CCL14: variants seen among roughly 807,000 people sequenced by gnomAD.
CCL14 encodes the protein C-C motif chemokine 14.
A neutral mutation model predicts 8.2 loss-of-function variants in CCL14; 8 were observed. The observed-to-expected ratio is 0.98, with a 90% CI of 0.57 to 1.76. CCL14 has a LOEUF of 1.76. Among genes scored for constraint, CCL14 ranks in the 40% most tolerant of loss-of-function variants. The probability of loss-of-function intolerance (pLI) is 0.00; values close to 1 mark genes in which losing one functional copy is unlikely to be tolerated. For missense variants in CCL14, 127 were observed against 118.3 expected, an observed-to-expected ratio of 1.07 and a Z score of -0.34; for synonymous variants, 50 against 43.2, an observed-to-expected ratio of 1.16 and a Z score of -0.62.
intron 1 of CCL14, chr17:35,985,355 T>C (rs2089747891): frequency 4.6e-6 from 1 of 215,332 alleles, no homozygotes; most frequent in Non-Finnish European, 9.1e-6. Context: ...TTTCATGGCT[T>C]TTATAGGAGA....
chr17:35,985,928 C>A, intron 1 of CCL14: 2 of 731,798 alleles, frequency 2.7e-6, no homozygotes, highest in South Asian at 1.8e-5. Context: ...TCCCCCCAGC[C>A]CATACCCAAG....
Position 35,983,775 on chromosome 17 carries a change from T to C in CCL14, c.*26A>G. 1 of 1,528,906 alleles carries C rather than the reference T, an allele frequency of 6.5e-7. No homozygotes were observed. Among genetic ancestry groups the C allele is most frequent in the South Asian group, 1.1e-5 (1 of 89,388 alleles). The allele number at this position is 1,528,906 out of a possible 1,614,324, so 94.7% of individuals were successfully genotyped here. On this transcript the variant is annotated 3_prime_UTR_variant, in exon 3 of 3. Coordinates refer to ENST00000618404, the MANE Select transcript of CCL14 (RefSeq NM_032963.4). ...ATCTTCTCTTTATGTCTCTGAGCTG[T>C]GCCTTCGCCACCCCTTCTGGGTCAC...
In CCL14 at chr17:35,984,468, C is replaced by G; in HGVS notation, c.80-16G>C. On this transcript the variant is annotated splice_polypyrimidine_tract_variant and intron_variant, in intron 1 of 2. Coordinates refer to ENST00000618404, the MANE Select transcript of CCL14 (RefSeq NM_032963.4). ...TAAGGTCCCCCTGAGGAGAGAGCATCAGATGCTGAGGAGGGGCCCCTTGTT... is the reference window on the plus strand; with the variant it reads ...TAAGGTCCCCCTGAGGAGAGAGCATGAGATGCTGAGGAGGGGCCCCTTGTT... 1 of 1,581,400 alleles carries G rather than the reference C, an allele frequency of 6.3e-7. No individual in the cohort carries two copies. Among genetic ancestry groups the G allele is most frequent in the Non-Finnish European group, 8.7e-7 (1 of 1,151,482 alleles).
chr17:35,984,671 C>A, intron 1 of CCL14: 1 of 589,780 alleles, frequency 1.7e-6, no homozygotes, highest in South Asian at 2.1e-5. Context: ...ACCCTTCCTC[C>A]TTTTCTTCAA....
chr17:35,984,856 T>C (rs2089737529), intron 1 of CCL14: 1 of 374,666 alleles, frequency 2.7e-6, no homozygotes, highest in Non-Finnish European at 4.7e-6. Flanking sequence ...GAGGAATATT[T>C]GGAAGAAATC....
chr17:35,986,609 A>T lies in CCL14; in HGVS notation c.41T>A (p.Ile14Asn). Reference sequence around the variant, plus strand: ...AGTCTTGGTCCCTAGGGCGATGGTGATGAGGAGGAAGAAGGGAATGGCAGC... The same window carrying T: ...AGTCTTGGTCCCTAGGGCGATGGTGTTGAGGAGGAAGAAGGGAATGGCAGC... ...SVAAIPFFLL[I>N]TIALGTKTES... Residue 14 changes from isoleucine to asparagine, a missense_variant, in exon 1 of 3, where the codon ATC becomes AAC. Physicochemically the swap from Ile to Asn is moderately radical, Grantham distance 149. Coordinates refer to ENST00000618404, the MANE Select transcript of CCL14 (RefSeq NM_032963.4). 6.2e-7 allele frequency: 1 copy of T among 1,613,980 alleles called. No individual in the cohort carries two copies. Among genetic ancestry groups the T allele is most frequent in the Admixed American group, 1.7e-5 (1 of 60,010 alleles).
chr17:35,984,416 T>G lies in CCL14; in HGVS notation c.116A>C (p.Tyr39Ser). ...CTGACGCGGGATCTTGTAGGTAGTG[T>G]AGGTGAAGCAGCACTCTGAGGGGTG... ...PYHPSECCFT[Y>S]TTYKIPRQRI... Residue 39 changes from tyrosine (Y) to serine (S), a missense_variant, in exon 2 of 3, where the codon TAC (tyrosine) becomes TCC (serine). Physicochemically the swap from Tyr to Ser is moderately radical, Grantham distance 144. Coordinates refer to ENST00000618404, the MANE Select transcript of CCL14 (RefSeq NM_032963.4). 1 of 1,613,420 alleles carries G rather than the reference T, an allele frequency of 6.2e-7. No individual in the cohort carries two copies. The highest frequency in any genetic ancestry group is 8.5e-7 in the Non-Finnish European group (1 of 1,179,822).
chr17:35,986,531 C>A, intron 1 of CCL14, 40 bp downstream of exon 1: 1 of 1,531,270 alleles, frequency 6.5e-7, no homozygotes, highest in Non-Finnish European at 9.1e-7. Context: ...TATTTCCCTG[C>A]AGGCTCTAGG....
At position 35,984,372 on chromosome 17, in the gene CCL14, C is replaced by T. The variant is rs200944789; in HGVS notation, c.160G>A (p.Glu54Lys). The change falls in exon 2 of 3, where the codon GAG becomes AAG. Residue 54 changes from glutamate to lysine, a missense_variant. Transcript: ENST00000618404. ...GGCTTGGAGCACTGGCTGTTGGTCTCATAGTAATCCATAATCCGCTGACGC... is the reference window on the plus strand; with the variant it reads ...GGCTTGGAGCACTGGCTGTTGGTCTTATAGTAATCCATAATCCGCTGACGC... The part of the protein sequence containing the change: ...IPRQRIMDYY[E>K]TNSQCSKPGI... The T allele has an allele frequency of 2.4e-4, 383 of 1,613,760 alleles. No homozygotes were observed. The highest frequency in any genetic ancestry group is 3.1e-4 in the Non-Finnish European group (360 of 1,179,944).
intron 1 of CCL14, chr17:35,985,951 C>A: frequency 1.6e-6 from 1 of 628,990 alleles, no homozygotes; most frequent in South Asian, 2.1e-5. Flanking sequence ...ATGCTGCACT[C>A]ACTGGGCACA....
intron 1 of CCL14, chr17:35,985,785 C>G: frequency 6.4e-7 from 1 of 1,550,672 alleles, no homozygotes; most frequent in Non-Finnish European, 8.7e-7. Flanking sequence ...CCTTCGGTTT[C>G]CCCCCAGTTT....
intron 1 of CCL14, 155 bp downstream of exon 1, chr17:35,986,416 T>C: frequency 3.1e-6 from 2 of 637,040 alleles, no homozygotes; most frequent in South Asian, 3.8e-5. Context: ...CAGTAGATAA[T>C]TCATTTATAT....
At chr17:35,986,484 T>C in intron 1 of CCL14, 87 bp downstream of exon 1, 1 of 1,006,122 alleles carries the variant, frequency 9.9e-7, no homozygotes, top group South Asian at 1.3e-5. Flanking sequence ...GAGTCCCTGC[T>C]CCTGGTCTTC....
chr17:35,985,486 G>C, intron 1 of CCL14: 1 of 528,226 alleles, frequency 1.9e-6, no homozygotes, highest in Non-Finnish European at 3.3e-6. Flanking sequence ...AATCAGGTGT[G>C]TGCATGTTAT....
At chr17:35,986,314 A>C in intron 1 of CCL14, 1 of 487,940 alleles carries the variant, frequency 2.0e-6, no homozygotes, top group Non-Finnish European at 3.6e-6. Flanking sequence ...CAAGGCTGGA[A>C]GATCCCAACT....
At chr17:35,984,700 G>A (rs894293188) in intron 1 of CCL14, 1 of 564,762 alleles carries the variant, frequency 1.8e-6, no homozygotes, top group African/African-American at 1.9e-5. Context: ...GGAAAGACTG[G>A]TGGATGACTT....
At chr17:35,986,285 C>T (rs2089767629) in intron 1 of CCL14, 3 of 444,292 alleles carry the variant, frequency 6.8e-6, no homozygotes, top group Non-Finnish European at 1.2e-5. Flanking sequence ...TGGAGTCTCC[C>T]AAGTCAAGTC....
rs532266388 is a variant in CCL14 at position 35,984,364 on chromosome 17, G to A, written c.168C>T (p.Asn56=). Residue 56 remains asparagine, a synonymous_variant, in exon 2 of 3, where the codon AAC becomes AAT. Coordinates refer to ENST00000618404, the MANE Select transcript of CCL14 (RefSeq NM_032963.4). ...CAATTCCGGGCTTGGAGCACTGGCT[G>A]TTGGTCTCATAGTAATCCATAATCC... ...RQRIMDYYET[N]SQCSKPGIVF... 6 of 1,613,678 alleles carry A rather than the reference G, an allele frequency of 3.7e-6. No individual in the cohort carries two copies. In the Admixed American group the frequency reaches 8.3e-5, roughly 22 times the overall value.
chr17:35,984,531 C>A (rs1349753043), intron 1 of CCL14, 79 bp from the exon 2 acceptor site: 1 of 890,336 alleles, frequency 1.1e-6, no homozygotes, highest in East Asian at 2.4e-5. Context: ...AAGCTGAGGG[C>A]ATGGAGGAGG....
Sources: gnomAD v4.1 joint callset for allele counts on GRCh38, gnomAD v4.1.1 for gene constraint, MANE v1.5 for transcripts, NCBI Gene and HGNC (gene_info 2026-07-23, HGNC 2026-07-21) for gene names.